The following PCDHA8 variants were observed in gnomAD, a reference collection of about 807,000 sequenced individuals.
The protein encoded by PCDHA8 is protocadherin alpha 8, also known as protocadherin alpha-8.
In PCDHA8, 53 loss-of-function variants were observed where a neutral mutation model predicts 61.8. The observed-to-expected ratio is 0.86, with a 90% confidence interval of 0.69 to 1.08. The LOEUF (loss-of-function observed/expected upper bound fraction) is 1.08. PCDHA8 is among the 50% of genes least tolerant of loss of function. The probability of loss-of-function intolerance (pLI) is 0.00; values close to 1 mark genes in which losing one functional copy is unlikely to be tolerated. For missense variants in PCDHA8, 1,293 were observed against 1,245.0 expected (o/e 1.04, Z -0.58); for synonymous variants, 618 against 556.6 (o/e 1.11, Z -1.55).
At chr5:141,009,217 G>T (rs1554262066) in intron 3 of PCDHA8, among the ~76,000 whole-genome samples, 1 of 152,234 alleles carries the variant, frequency 6.6e-6, no homozygotes, top group African/African-American at 2.4e-5. Flanking sequence ...CACTTTGGGA[G>T]GCCAAGGTGG....
intron 1 of PCDHA8, chr5:140,926,762 C>T: frequency 7.5e-7 from 1 of 1,326,672 alleles, no homozygotes; most frequent in Non-Finnish European, 9.8e-7. Context: ...CGCTGAGTAT[C>T]CAGCCCGCAG....
Position 141,010,530 on chromosome 5 carries a change from A to T in PCDHA8, c.*593A>T, listed in dbSNP as rs188140091. 45 of 414,090 alleles carry T rather than the reference A, an allele frequency of 1.1e-4. No homozygotes were observed. In the Admixed American group the frequency reaches 1.6e-3, roughly 15 times the overall value. The allele number at this position is 414,090 out of a possible 1,614,324, so 25.7% of individuals were successfully genotyped here. On this transcript the variant is annotated 3_prime_UTR_variant, in exon 4 of 4. Coordinates refer to ENST00000531613, the MANE Select transcript of PCDHA8 (RefSeq NM_018911.3). ...TCTTACAACTCAAGAGGTGGCAGCC[A>T]CCCTCTAGGAGACAAAACTACCCCC... is the stretch of plus-strand genomic sequence containing the variant.
intron 1 of PCDHA8, among the ~76,000 whole-genome samples, chr5:140,933,677 T>G (rs1024721491): frequency 6.6e-6 from 1 of 151,826 alleles, no homozygotes; most frequent in African/African-American, 2.4e-5. Flanking sequence ...CTCTCTCACA[T>G]TTTTTTTCCT....
chr5:140,978,217 A>G (rs1554239114), intron 1 of PCDHA8, among the ~76,000 whole-genome samples: 2 of 152,222 alleles, frequency 1.3e-5, no homozygotes, highest in East Asian at 1.9e-4. Flanking sequence ...TGCAAAATGT[A>G]TCAGGTTTTT....
At chr5:140,911,607 T>C (rs1309017145) in intron 1 of PCDHA8, among the ~76,000 whole-genome samples, 1 of 152,222 alleles carries the variant, frequency 6.6e-6, no homozygotes, top group African/African-American at 2.4e-5. Context: ...CTTCATTATG[T>C]TCCTTAGTTC....
At position 141,009,794 on chromosome 5, in the gene PCDHA8, A is replaced by G. The variant is rs1314860754; in HGVS notation, c.2710A>G (p.Thr904Ala). 1.2e-6 allele frequency: 2 copies of G among 1,614,042 alleles called. No homozygotes were observed. Among genetic ancestry groups the G allele is most frequent in the South Asian group, 1.1e-5 (1 of 91,076 alleles). Reference protein sequence around the residue: ...PAIISIRQEPTNSQIDKSDFI... With the variant: ...PAIISIRQEPANSQIDKSDFI... ...AATCATCTCCATCCGGCAGGAGCCTACTAACAGCCAAATTGACAAAAGTGA... is the reference window on the plus strand; with the variant it reads ...AATCATCTCCATCCGGCAGGAGCCTGCTAACAGCCAAATTGACAAAAGTGA... The change falls in exon 4 of 4, where the codon ACT (threonine) becomes GCT (alanine). Residue 904 changes from threonine (T) to alanine (A), a missense_variant. Physicochemically the swap from Thr to Ala is moderately conservative, Grantham distance 58. Coordinates refer to ENST00000531613, the MANE Select transcript of PCDHA8 (RefSeq NM_018911.3).
At position 140,927,469 on chromosome 5, in the gene PCDHA8, C is replaced by G. The variant is rs17844359; in HGVS notation, c.2395-51480C>G. ...GTTGGTGTTGGAGAAAGCACTGGATCGCGAACAGCGCGCCACCCACCTGCT... is the reference window on the plus strand; with the variant it reads ...GTTGGTGTTGGAGAAAGCACTGGATGGCGAACAGCGCGCCACCCACCTGCT... On this transcript the variant is annotated intron_variant, in intron 1 of 3. Transcript: ENST00000531613. 39 of 1,613,964 alleles carry G rather than the reference C, an allele frequency of 2.4e-5. No individual in the cohort carries two copies. The highest frequency in any genetic ancestry group is 1.3e-4 in the South Asian group (12 of 91,094).
At chr5:140,986,102 C>T (rs782067384) in intron 3 of PCDHA8, among the ~76,000 whole-genome samples, 14 of 152,102 alleles carry the variant, frequency 9.2e-5, no homozygotes, top group Non-Finnish European at 1.5e-5. Flanking sequence ...CTGCAAAAGC[C>T]TAAGATAAAG....
At chr5:140,891,889 G>C (rs1319520907) in intron 1 of PCDHA8, among the ~76,000 whole-genome samples, 1 of 152,224 alleles carries the variant, frequency 6.6e-6, no homozygotes, top group Non-Finnish European at 1.5e-5. Context: ...ATGTGACGAT[G>C]CAGCAAGAAG....
At chr5:140,861,700 T>C (rs2047027429) in intron 1 of PCDHA8, 1 of 222,356 alleles carries the variant, frequency 4.5e-6, no homozygotes, top group Non-Finnish European at 9.0e-6. Flanking sequence ...GTGTCTGTGA[T>C]GCCGACGTCG....
chr5:140,999,176 T>A (rs546665453), intron 3 of PCDHA8, among the ~76,000 whole-genome samples: 1 of 152,274 alleles, frequency 6.6e-6, no homozygotes, highest in African/African-American at 2.4e-5. Context: ...AAGAGCCTGA[T>A]GGGGAGAGGG....
intron 1 of PCDHA8, among the ~76,000 whole-genome samples, chr5:140,937,724 AAC>A (rs2091708035): frequency 6.6e-6 from 1 of 152,064 alleles, no homozygotes; most frequent in Non-Finnish European, 1.5e-5. Flanking sequence ...CATCCTGGCT[AAC>A]ACGGTGAAAC....
intron 1 of PCDHA8, among the ~76,000 whole-genome samples, chr5:140,897,136 A>G (rs1206983852): frequency 6.6e-6 from 1 of 152,096 alleles, no homozygotes; most frequent in Admixed American, 6.5e-5. Context: ...TAAACTTTCT[A>G]GCCTTTGTTA....
chr5:140,844,476 CTA>C (rs2150371659), intron 1 of PCDHA8, among the ~76,000 whole-genome samples: 3,169 of 149,252 alleles, frequency 0.021, 219 homozygotes, highest in African/African-American at 0.04. Context: ...TTTTGAGCCT[CTA>C]TGTTTAGGAA....
intron 3 of PCDHA8, among the ~76,000 whole-genome samples, chr5:140,993,523 CAGAG>C (rs111789518): frequency 3.4e-5 from 5 of 145,668 alleles, no homozygotes; most frequent in South Asian, 2.2e-4. Flanking sequence ...GAGAGAGAGA[CAGAG>C]AGAGAGAGAG....
intron 1 of PCDHA8, among the ~76,000 whole-genome samples, chr5:140,913,536 C>A (rs949214910): frequency 4.6e-5 from 7 of 151,882 alleles, no homozygotes; most frequent in Non-Finnish European, 8.8e-5. Context: ...AAAAGATTGA[C>A]TTTTTGTTTT....
intron 1 of PCDHA8, chr5:140,867,711 G>T (rs1202135456): frequency 2.0e-5 from 3 of 151,816 alleles, no homozygotes; most frequent in Non-Finnish European, 2.9e-5. Flanking sequence ...AATCCTAAGG[G>T]TATATGAAAA....
chr5:140,859,351 A>T (rs2045821296), intron 1 of PCDHA8: 1 of 247,508 alleles, frequency 4.0e-6, no homozygotes, highest in Non-Finnish European at 7.7e-6. Context: ...TTTTCTACTG[A>T]TCTGATATAT....
intron 1 of PCDHA8, chr5:140,876,527 T>C (rs2056400042): frequency 6.2e-6 from 10 of 1,614,112 alleles, no homozygotes; most frequent in Non-Finnish European, 7.6e-6. Context: ...GAAGTAATGG[T>C]TACTTCACTG....
Sources: allele counts gnomAD v4.1 joint callset (sites outside exome capture counted in the v4.1 genomes callset), GRCh38; gene constraint gnomAD v4.1.1; transcripts MANE v1.5; gene names NCBI Gene and HGNC (gene_info 2026-07-23, HGNC 2026-07-21).